The following CDH22 variants were observed in gnomAD, a reference collection of about 807,000 sequenced individuals.
CDH22 encodes the protein cadherin 22, also known as cadherin-22.
CDH22 carries 30 observed loss-of-function variants against 58.4 expected under a neutral mutation model. That is an observed-to-expected ratio of 0.51 (90% CI 0.38 to 0.70). The LOEUF (loss-of-function observed/expected upper bound fraction) is 0.70. Among genes scored for constraint, CDH22 ranks in the 30% least tolerant of loss-of-function variants. The probability of loss-of-function intolerance (pLI) is 0.00; values close to 1 mark genes in which losing one functional copy is unlikely to be tolerated. For synonymous variants in CDH22, 513 were observed against 558.2 expected (o/e 0.92, Z 1.14); for missense variants, 1,014 against 1,233.9 (o/e 0.82, Z 2.67).
chr20:46,177,829 A>G, intron 11 of CDH22, 117 bp downstream of exon 11: 4 of 1,332,204 alleles, frequency 3.0e-6, no homozygotes, highest in African/African-American at 1.5e-5. Flanking sequence ...TGGTTTGGCC[A>G]GCCCATCCTC....
intron 2 of CDH22, among the ~76,000 whole-genome samples, chr20:46,245,631 C>T (rs1212575044): frequency 2.0e-5 from 3 of 152,146 alleles, no homozygotes; most frequent in Non-Finnish European, 2.9e-5. Context: ...GCACCCAGCA[C>T]GGGGCACAGC....
chr20:46,297,784 C>T (rs2086635110), intron 1 of CDH22, among the ~76,000 whole-genome samples: 1 of 151,784 alleles, frequency 6.6e-6, no homozygotes, highest in African/African-American at 2.4e-5. Flanking sequence ...AGTGGGAAGG[C>T]CCTTCCTCCA....
chr20:46,201,652 A>G (rs2085962118), intron 7 of CDH22, among the ~76,000 whole-genome samples: 1 of 152,134 alleles, frequency 6.6e-6, no homozygotes, highest in African/African-American at 2.4e-5. Flanking sequence ...ACTGTCCTGG[A>G]GGTGAATGCC....
In CDH22 at chr20:46,210,591, G is replaced by A. The variant is rs1568659715; in HGVS notation, c.1033-31C>T. 1 of 1,418,872 alleles carries A rather than the reference G, an allele frequency of 7.0e-7. No homozygotes were observed. The highest frequency in any genetic ancestry group is 9.2e-7 in the Non-Finnish European group (1 of 1,082,376). 87.9% of individuals were successfully genotyped at this position (1,418,872 alleles called of 1,614,324 possible). A position where few individuals can be genotyped will look rare whatever the true frequency, so the allele number is the denominator to read the frequency against. On this transcript the variant is annotated intron_variant, in intron 6 of 11. Coordinates refer to ENST00000537909, the MANE Select transcript of CDH22 (RefSeq NM_021248.3). This position sits in a 1 kb window ranked among gnomAD's most constrained non-coding sequence, Gnocchi z 4.5. ...GGAGGGAGCAGAGGGCCGGTTAGTG[G>A]GTGGGGTCTGGTGGACACTGAGGCC...
chr20:46,282,868 C>T (rs1345658710), intron 1 of CDH22, among the ~76,000 whole-genome samples: 2 of 152,138 alleles, frequency 1.3e-5, no homozygotes, highest in Non-Finnish European at 2.9e-5. Flanking sequence ...CTTGCTCCCT[C>T]GTCACAAGCC....
chr20:46,242,961 G>A (rs893034238), intron 2 of CDH22, among the ~76,000 whole-genome samples: 1 of 152,178 alleles, frequency 6.6e-6, no homozygotes, highest in African/African-American at 2.4e-5. Flanking sequence ...CTGTTTTCTT[G>A]CAATCAGAAA....
chr20:46,291,675 C>A (rs1197497466), intron 1 of CDH22, among the ~76,000 whole-genome samples: 2 of 152,246 alleles, frequency 1.3e-5, no homozygotes, highest in African/African-American at 4.8e-5. Context: ...GGTGAACGAC[C>A]TCTCAACACA....
chr20:46,188,288 C>G (rs910254762), intron 8 of CDH22, among the ~76,000 whole-genome samples: 1 of 152,126 alleles, frequency 6.6e-6, no homozygotes, highest in South Asian at 2.1e-4. Flanking sequence ...ATGAGCAGTG[C>G]TGGGTAGTTC....
intron 1 of CDH22, among the ~76,000 whole-genome samples, chr20:46,297,317 G>C (rs1316378583): frequency 6.6e-6 from 1 of 152,080 alleles, no homozygotes; most frequent in Non-Finnish European, 1.5e-5. Context: ...TTCTGTGGGA[G>C]AACAGGGGCT....
intron 10 of CDH22, among the ~76,000 whole-genome samples, chr20:46,185,796 T>A (rs574385132): frequency 6.6e-6 from 1 of 152,272 alleles, no homozygotes; most frequent in South Asian, 2.1e-4. Context: ...GCCTAGGAGA[T>A]CAAGGCTGTA....
At chr20:46,275,471 T>C (rs964340188) in intron 1 of CDH22, among the ~76,000 whole-genome samples, 1 of 152,234 alleles carries the variant, frequency 6.6e-6, no homozygotes, top group Non-Finnish European at 1.5e-5. Flanking sequence ...CCATAGCTCT[T>C]ATCACCTTCT....
rs1276316753 is a variant in CDH22, at chr20:46,180,136, GGCCA to G, written c.1664-1943_1664-1940del. On this transcript the variant is annotated intron_variant, in intron 10 of 11. Transcript: ENST00000537909. Reference sequence around the variant, plus strand: ...GTGTGTGCCTGTTTCTCCACTGCATGGCCAGCCAGGGCTGGCATGGAGCCAGTCT... The same window carrying G: ...GTGTGTGCCTGTTTCTCCACTGCATGGCCAGGGCTGGCATGGAGCCAGTCT... Among the ~76,000 whole-genome samples the G allele has an allele frequency of 2.6e-5, 4 of 152,364 alleles. No homozygotes were observed. In the East Asian group the frequency reaches 5.8e-4, roughly 22 times the overall value.
intron 3 of CDH22, 143 bp downstream of exon 3, chr20:46,240,820 G>C: frequency 1.4e-6 from 1 of 732,198 alleles, no homozygotes; most frequent in Non-Finnish European, 2.2e-6. Flanking sequence ...GGGCACCTGA[G>C]CTCACATCTG....
intron 1 of CDH22, among the ~76,000 whole-genome samples, chr20:46,259,476 G>A (rs1474314111): frequency 6.6e-6 from 1 of 152,212 alleles, no homozygotes; most frequent in East Asian, 1.9e-4. Context: ...ACCTGTAAGT[G>A]CTCTGCAAAT....
Position 46,210,242 on chromosome 20 carries a change from G to T in CDH22, c.1286+65C>A. On this transcript the variant is annotated intron_variant, in intron 7 of 11. Coordinates refer to ENST00000537909, the MANE Select transcript of CDH22 (RefSeq NM_021248.3). The surrounding 1 kb of genome is among the most constrained non-coding windows in gnomAD (Gnocchi z 4.5). ...CCAGCCCTCCTCCCCTCTGCCCGCA[G>T]TCTGTCCGCGGGGGTGATGGCGGGA... The T allele has an allele frequency of 7.4e-7, 1 of 1,344,098 alleles. No individual in the cohort carries two copies. Among genetic ancestry groups the T allele is most frequent in the South Asian group, 1.7e-5 (1 of 57,586 alleles). The allele number at this position is 1,344,098 out of a possible 1,614,324, so 83.3% of individuals were successfully genotyped here.
chr20:46,215,861 G>C (rs1046485143), intron 5 of CDH22, among the ~76,000 whole-genome samples: 11 of 152,238 alleles, frequency 7.2e-5, no homozygotes, highest in African/African-American at 2.7e-4. Flanking sequence ...GCCTTCAGGG[G>C]CTGGGGCTGG....
intron 11 of CDH22, among the ~76,000 whole-genome samples, chr20:46,175,435 G>T (rs1297705517): frequency 6.6e-6 from 1 of 152,172 alleles, no homozygotes; most frequent in Admixed American, 6.5e-5. Flanking sequence ...GGTGCTGGGG[G>T]TCTGTAGCAG....
chr20:46,259,342 A>G (rs950542999), intron 1 of CDH22, among the ~76,000 whole-genome samples: 2 of 152,220 alleles, frequency 1.3e-5, no homozygotes, highest in African/African-American at 4.8e-5. Flanking sequence ...GTCCCTGGCA[A>G]GTTTCACAAA....
intron 8 of CDH22, among the ~76,000 whole-genome samples, chr20:46,194,762 G>A (rs2085886924): frequency 2.6e-5 from 4 of 152,136 alleles, no homozygotes; most frequent in Admixed American, 2.6e-4. Flanking sequence ...TGGAGTCTCG[G>A]TCTGTCTCCC....
Sources: gnomAD v4.1 joint callset for allele counts (sites outside exome capture counted in the v4.1 genomes callset) on GRCh38, gnomAD v4.1.1 for gene constraint, Gnocchi (gnomAD v3.1) non-coding constraint, MANE v1.5 for transcripts, NCBI Gene and HGNC (gene_info 2026-07-23, HGNC 2026-07-21) for gene names.